Variants in BCAM observed in about 807,000 individuals in gnomAD.
BCAM encodes the protein basal cell adhesion molecule (Lutheran blood group).
A neutral mutation model predicts 72.4 loss-of-function variants in BCAM; 61 were observed. The ratio of observed to expected loss-of-function variants is 0.84; its 90% CI spans 0.69 to 1.04. The LOEUF is 1.04. Ranked by LOEUF, BCAM falls within the 50% of genes least tolerant of loss-of-function variation. The pLI, the probability that BCAM is intolerant of heterozygous loss-of-function variation, is 0.00. For synonymous variants in BCAM, 408 were observed against 384.2 expected (o/e 1.06, Z -0.73); for missense variants, 909 against 895.0 (o/e 1.02, Z -0.20).
Position 44,821,232 on chromosome 19 carries a change from C to T in BCAM, c.*311C>T, listed in dbSNP as rs958726936. ...GACAAGGCTCCGAGGGTCGGCTGGC[C>T]GGAGCTATTTTTACCTCCCGCCTCC... On this transcript the variant is annotated 3_prime_UTR_variant, in exon 15 of 15. Transcript: ENST00000270233. 8.4e-6 allele frequency: 3 copies of T among 357,540 alleles called. No individual in the cohort carries two copies. Among genetic ancestry groups the T allele is most frequent in the South Asian group, 1.0e-4 (1 of 9,966 alleles). 22.1% of individuals were successfully genotyped at this position (357,540 alleles called of 1,614,324 possible). A position where few individuals can be genotyped will look rare whatever the true frequency, so the allele number is the denominator to read the frequency against.
chr19:44,809,758 C>G (rs1225766922), intron 1 of BCAM, among the ~76,000 whole-genome samples: 1 of 151,968 alleles, frequency 6.6e-6, no homozygotes, highest in African/African-American at 2.4e-5. Flanking sequence ...AGCACCAGCC[C>G]CGGGCAGTGA....
chr19:44,811,059 G>A (rs1277044057), intron 1 of BCAM, among the ~76,000 whole-genome samples, 166 bp from the exon 2 acceptor site: 2 of 150,550 alleles, frequency 1.3e-5, no homozygotes, highest in African/African-American at 4.9e-5. Flanking sequence ...AGGGGACAGG[G>A]GCCCAGATTC....
chr19:44,811,229 C>A lies in BCAM; in HGVS notation c.87C>A (p.Ala29=), dbSNP rs775139688. The change falls in exon 2 of 15, where the codon GCC becomes GCA. Residue 29 remains alanine (A), a synonymous_variant. Transcript: ENST00000270233. ...AGCTCAGTTGCTCTCTTGCAGATGC[C>A]CAGGCGGAGGTGCGCTTGTCTGTAC... The part of the protein sequence containing the change: ...LAVLLAAHPD[A]QAEVRLSVPP... 6.2e-7 allele frequency: 1 copy of A among 1,612,090 alleles called. No homozygotes were observed. The highest frequency in any genetic ancestry group is 8.5e-7 in the Non-Finnish European group (1 of 1,179,858).
chr19:44,816,320 AAAAG>A (rs1275440693), intron 8 of BCAM, among the ~76,000 whole-genome samples: 3 of 152,136 alleles, frequency 2.0e-5, no homozygotes, highest in South Asian at 2.1e-4. Context: ...AGAAACAAAT[AAAAG>A]AAAGAAAGAG....
Position 44,812,531 on chromosome 19 carries a change from G to C in BCAM, c.487G>C (p.Glu163Gln). The stretch of plus-strand genomic sequence containing the variant: ...CAACAAAGGGACACTGTCTGTGATG[G>C]AGGACTCTGCCCAGGAGGTACCTCT... Reference protein sequence around the residue: ...SPNKGTLSVMEDSAQEIATCN... With the variant: ...SPNKGTLSVMQDSAQEIATCN... The change falls in exon 4 of 15, where the codon GAG (glutamate) becomes CAG (glutamine). Residue 163 changes from glutamate to glutamine, a missense_variant. Physicochemically the swap from Glu to Gln is conservative, Grantham distance 29 (BLOSUM62 2). Transcript: ENST00000270233. The surrounding 1 kb of genome is among the most constrained non-coding windows in gnomAD (Gnocchi z 5.3). 2 of 1,614,220 alleles carry C rather than the reference G, an allele frequency of 1.2e-6. No homozygotes were observed. The highest frequency in any genetic ancestry group is 1.7e-6 in the Non-Finnish European group (2 of 1,180,026).
rs1212794887 is a variant in BCAM, at chr19:44,813,161, T to C, written c.505-89T>C. 1.4e-6 allele frequency: 2 copies of C among 1,434,306 alleles called. No individual in the cohort carries two copies. The highest frequency in any genetic ancestry group is 2.8e-5 in the African/African-American group (2 of 70,452). The allele number at this position is 1,434,306 out of a possible 1,614,324, so 88.8% of individuals were successfully genotyped here. ...AGTCGGGAGTTAGGAGCCCGGCTCATGAGTCTGAGTGGGGAGAACTCCTGA... is the reference window on the plus strand; with the variant it reads ...AGTCGGGAGTTAGGAGCCCGGCTCACGAGTCTGAGTGGGGAGAACTCCTGA... On this transcript the variant is annotated intron_variant, in intron 4 of 14. Transcript: ENST00000270233. This position sits in a 1 kb window ranked among gnomAD's most constrained non-coding sequence, Gnocchi z 4.2.
chr19:44,814,206 G>C lies in BCAM; in HGVS notation c.839G>C (p.Trp280Ser). 1 of 1,584,460 alleles carries C rather than the reference G, an allele frequency of 6.3e-7. No individual in the cohort carries two copies. The highest frequency in any genetic ancestry group is 8.5e-7 in the Non-Finnish European group (1 of 1,171,424). Residue 280 changes from tryptophan to serine, a missense_variant, in exon 7 of 15, where the codon TGG becomes TCG. Physicochemically the swap from Trp to Ser is radical, Grantham distance 177 (BLOSUM62 -3). Transcript: ENST00000270233. The surrounding 1 kb of genome is among the most constrained non-coding windows in gnomAD (Gnocchi z 4.6). ...WVGSPSTPAG[W>S]VREGDTVQLL... The stretch of plus-strand genomic sequence containing the variant: ...GGCAGCCCGTCCACCCCAGCAGGCT[G>C]GGTACGCGAGGGTGACACTGTCCAG...
rs758203805 is a variant in BCAM, at chr19:44,813,516, G to C, written c.680G>C (p.Arg227Pro). 6.2e-7 allele frequency: 1 copy of C among 1,612,594 alleles called. No individual in the cohort carries two copies. The change falls in exon 6 of 15, where the codon CGC becomes CCC. Residue 227 changes from arginine to proline, a missense_variant. Transcript: ENST00000270233. This position sits in a 1 kb window ranked among gnomAD's most constrained non-coding sequence, Gnocchi z 4.2. ...ACCAGCACCCTCTACCTGCGGCTCC[G>C]CAAGGATGACCGAGACGCCAGCTTC... ...SLTSTLYLRL[R>P]KDDRDASFHC...
intron 8 of BCAM, among the ~76,000 whole-genome samples, chr19:44,817,658 C>T (rs1968520428): frequency 6.6e-6 from 1 of 152,004 alleles, no homozygotes; most frequent in African/African-American, 2.4e-5. Context: ...GATTCTCCTG[C>T]CTCAGCCTCC....
At chr19:44,819,815 C>G in intron 13 of BCAM, 89 bp downstream of exon 13, 5 of 1,451,540 alleles carry the variant, frequency 3.4e-6, no homozygotes, top group Non-Finnish European at 4.5e-6. Context: ...TCAACCACAT[C>G]TTATCCTCCA....
In BCAM at chr19:44,818,577, C is replaced by T. The variant is rs776971856; in HGVS notation, c.1134C>T (p.Ser378=). ...EGKVLSLPLN[S]SAVVNCSVHG... is the part of the protein sequence containing the mutation. Reference sequence around the variant, plus strand: ...AGGTGCTTTCCTTACCTCTAAACAGCAGTGCAGTCGTGAACTGCTCCGTGC... The same window carrying T: ...AGGTGCTTTCCTTACCTCTAAACAGTAGTGCAGTCGTGAACTGCTCCGTGC... The change falls in exon 9 of 15, where the codon AGC becomes AGT. Residue 378 remains serine (S), a synonymous_variant. Transcript: ENST00000270233. The surrounding 1 kb of genome is among the most constrained non-coding windows in gnomAD (Gnocchi z 4.6). 1 of 1,613,952 alleles carries T rather than the reference C, an allele frequency of 6.2e-7. No individual in the cohort carries two copies. The highest frequency in any genetic ancestry group is 8.5e-7 in the Non-Finnish European group (1 of 1,179,992).
chr19:44,814,525 C>A lies in BCAM; in HGVS notation c.922-79C>A. 1 of 1,551,148 alleles carries A rather than the reference C, an allele frequency of 6.4e-7. No homozygotes were observed. Among genetic ancestry groups the A allele is most frequent in the Non-Finnish European group, 8.7e-7 (1 of 1,143,704 alleles). Reference sequence around the variant, plus strand: ...TGATTCTGGCTTAGCATGACACTAACCTGGTGGCTTCTGACCTAGCATGAG... The same window carrying A: ...TGATTCTGGCTTAGCATGACACTAAACTGGTGGCTTCTGACCTAGCATGAG... On this transcript the variant is annotated intron_variant, in intron 7 of 14. Transcript: ENST00000270233. The surrounding 1 kb of genome is among the most constrained non-coding windows in gnomAD (Gnocchi z 4.6).
At chr19:44,820,864 G>A in intron 14 of BCAM, 42 bp downstream of exon 14, 1 of 1,544,278 alleles carries the variant, frequency 6.5e-7, no homozygotes, top group South Asian at 1.2e-5. Flanking sequence ...GGACCTGCTG[G>A]GCAGTGGAGC....
rs754846050 is a variant in BCAM at position 44,812,825 on chromosome 19, C to G, written c.504+277C>G. On this transcript the variant is annotated intron_variant, in intron 4 of 14. Transcript: ENST00000270233. The surrounding 1 kb of genome is among the most constrained non-coding windows in gnomAD (Gnocchi z 5.3). The stretch of plus-strand genomic sequence containing the variant: ...ATTAGCTGGGTGTGTTGGTGTGCAA[C>G]TGTAATCCCAGCTGCTCGGGAGGCT... 8.8e-5 allele frequency: 42 copies of G among 475,134 alleles called. No individual in the cohort carries two copies. Among genetic ancestry groups the G allele is most frequent in the Non-Finnish European group, 1.4e-4 (36 of 265,652 alleles). 29.4% of individuals were successfully genotyped at this position (475,134 alleles called of 1,614,324 possible). A position where few individuals can be genotyped will look rare whatever the true frequency, so the allele number is the denominator to read the frequency against.
At chr19:44,809,338 G>A in intron 1 of BCAM, 132 bp downstream of exon 1, 1 of 690,288 alleles carries the variant, frequency 1.4e-6, no homozygotes, top group African/African-American at 1.9e-5. Context: ...GGATATGGGA[G>A]TGTTGGAAGG....
chr19:44,820,828 T>C lies in BCAM; in HGVS notation c.1881+6T>C. ...GCGGGGGCTTCGGAGACGAGGTGGG[T>C]GAGGGCCTGGGCCCCCTGGTGAGAG... On this transcript the variant is annotated splice_donor_region_variant and intron_variant, in intron 14 of 14. Transcript: ENST00000270233. 2.6e-6 allele frequency: 4 copies of C among 1,514,040 alleles called. No individual in the cohort carries two copies. Among genetic ancestry groups the C allele is most frequent in the Non-Finnish European group, 3.5e-6 (4 of 1,130,084 alleles). 93.8% of individuals were successfully genotyped at this position (1,514,040 alleles called of 1,614,324 possible).
At position 44,819,186 on chromosome 19, in the gene BCAM, G is replaced by A. The variant is rs764153695; in HGVS notation, c.1467G>A (p.Gly489=). The change falls in exon 11 of 15, where the codon GGG becomes GGA. Residue 489 remains glycine, a synonymous_variant. Transcript: ENST00000270233. Reference sequence around the variant, plus strand: ...CCAAACTCAGCTGGAGCCAATTGGGGGGCAGCGTAAGGGACCTTCCTCTCC... The same window carrying A: ...CCAAACTCAGCTGGAGCCAATTGGGAGGCAGCGTAAGGGACCTTCCTCTCC... ...PDPKLSWSQL[G]GSPAEPIPGR... 48 of 1,613,872 alleles carry A rather than the reference G, an allele frequency of 3.0e-5. No individual in the cohort carries two copies. The highest frequency in any genetic ancestry group is 4.0e-5 in the Non-Finnish European group (47 of 1,179,962).
At chr19:44,811,146 G>A (rs1968413494) in intron 1 of BCAM, 79 bp from the exon 2 acceptor site, 1 of 1,601,140 alleles carries the variant, frequency 6.2e-7, no homozygotes, top group African/African-American at 1.3e-5. Flanking sequence ...GGACGCTTGT[G>A]TCCTGGGGGA....
chr19:44,812,099 C>CAG lies in BCAM; in HGVS notation c.205-52_205-51dup, dbSNP rs965504287. The stretch of plus-strand genomic sequence containing the variant: ...CCAGGAGCTGCAGAGAGAAAGGACC[C>CAG]AGAGAGAGAGAGACTGAGGAGCGCT... On this transcript the variant is annotated intron_variant, in intron 2 of 14. Transcript: ENST00000270233. This position sits in a 1 kb window ranked among gnomAD's most constrained non-coding sequence, Gnocchi z 5.3. 4.1e-5 allele frequency: 60 copies of CAG among 1,459,474 alleles called. No homozygotes were observed. The highest frequency in any genetic ancestry group is 1.1e-4 in the Admixed American group (5 of 46,918). The allele number at this position is 1,459,474 out of a possible 1,614,324, so 90.4% of individuals were successfully genotyped here. A position where few individuals can be genotyped will look rare whatever the true frequency, so the allele number is the denominator to read the frequency against.
Sources: allele counts gnomAD v4.1 joint callset (sites outside exome capture counted in the v4.1 genomes callset), GRCh38; gene constraint gnomAD v4.1.1; non-coding constraint Gnocchi (gnomAD v3.1); transcripts MANE v1.5; gene names NCBI Gene and HGNC (gene_info 2026-07-23, HGNC 2026-07-21).